Variants in DCAF12 observed in about 807,000 individuals in gnomAD.
DCAF12 encodes DDB1- and CUL4-associated factor 12.
DCAF12 carries 28 observed loss-of-function variants against 52.8 expected under a neutral mutation model. That is an observed-to-expected ratio of 0.53 (90% CI 0.39 to 0.73). The LOEUF (loss-of-function observed/expected upper bound fraction) is 0.73. Ranked by LOEUF, DCAF12 falls within the 30% of genes least tolerant of loss-of-function variation. The probability of loss-of-function intolerance (pLI) is 0.00; values close to 1 mark genes in which losing one functional copy is unlikely to be tolerated. For missense variants in DCAF12, 425 were observed against 552.2 expected (o/e 0.77, Z 2.31); for synonymous variants, 196 against 215.5 (o/e 0.91, Z 0.79).
chr9:34,117,678 G>A (rs1471791786), intron 2 of DCAF12, among the ~76,000 whole-genome samples: 1 of 152,106 alleles, frequency 6.6e-6, no homozygotes, highest in African/African-American at 2.4e-5. Context: ...ACTTTGGGAG[G>A]CCCAGGCGGG....
intron 7 of DCAF12, among the ~76,000 whole-genome samples, chr9:34,090,356 G>C (rs889688438): frequency 6.6e-6 from 1 of 151,970 alleles, no homozygotes; most frequent in Admixed American, 6.6e-5. Flanking sequence ...CACTGTGCCC[G>C]GCCACAATGC....
intron 2 of DCAF12, among the ~76,000 whole-genome samples, chr9:34,111,799 A>G (rs1431207368): frequency 1.3e-5 from 2 of 152,154 alleles, no homozygotes; most frequent in Non-Finnish European, 2.9e-5. Flanking sequence ...CCGGGTGGCC[A>G]CTTTTTACCA....
chr9:34,126,049 C>T (rs941176436), intron 1 of DCAF12, among the ~76,000 whole-genome samples: 3 of 152,196 alleles, frequency 2.0e-5, no homozygotes, highest in Non-Finnish European at 2.9e-5. Flanking sequence ...TTCCGATTCC[C>T]TTAACTTCGG....
At chr9:34,123,952 C>T (rs781037659) in intron 2 of DCAF12, among the ~76,000 whole-genome samples, 3 of 152,276 alleles carry the variant, frequency 2.0e-5, no homozygotes, top group East Asian at 3.9e-4. Flanking sequence ...GAAGAGGAAA[C>T]GAAAGGTTGG....
At chr9:34,093,717 C>T (rs949051580) in intron 6 of DCAF12, 1 of 360,592 alleles carries the variant, frequency 2.8e-6, no homozygotes, top group African/African-American at 2.1e-5. Flanking sequence ...CTGGAAAGGC[C>T]AAGGCCTTTC....
chr9:34,113,344 A>T (rs927817509), intron 2 of DCAF12, among the ~76,000 whole-genome samples: 1 of 151,982 alleles, frequency 6.6e-6, no homozygotes, highest in Non-Finnish European at 1.5e-5. Flanking sequence ...GGGCCACTGT[A>T]CGCGGCCTGA....
Position 34,089,772 on chromosome 9 carries a change from C to G in DCAF12, c.1025-182G>C, listed in dbSNP as rs572534342. On this transcript the variant is annotated intron_variant, in intron 7 of 8. Coordinates refer to ENST00000361264, the MANE Select transcript of DCAF12 (RefSeq NM_015397.4). ...AGCTCATGCAAAAGCAAAGAGAATC[C>G]TGATGCCATCCTGCCTATCCACACA... The G allele has an allele frequency of 6.8e-5, 36 of 525,554 alleles. No individual in the cohort carries two copies. In the South Asian group the frequency reaches 9.8e-4, roughly 14 times the overall value. 32.6% of individuals were successfully genotyped at this position (525,554 alleles called of 1,614,324 possible).
At chr9:34,092,992 T>C (rs372476727) in intron 7 of DCAF12, among the ~76,000 whole-genome samples, 7 of 152,342 alleles carry the variant, frequency 4.6e-5, no homozygotes, top group African/African-American at 1.7e-4. Flanking sequence ...ATTACAGGCA[T>C]GCGCCACTGC....
chr9:34,092,672 G>A (rs1465395157), intron 7 of DCAF12, among the ~76,000 whole-genome samples: 1 of 147,690 alleles, frequency 6.8e-6, no homozygotes, highest in East Asian at 2.0e-4. Context: ...GCAAAAGAGC[G>A]AGACTCTGTC....
At chr9:34,102,319 T>C (rs900900072) in intron 4 of DCAF12, among the ~76,000 whole-genome samples, 12 of 151,014 alleles carry the variant, frequency 7.9e-5, no homozygotes, top group Non-Finnish European at 1.3e-4. Flanking sequence ...TTATATAAAA[T>C]GAATGCTTAA....
intron 2 of DCAF12, among the ~76,000 whole-genome samples, chr9:34,118,755 G>A (rs888718815): frequency 6.6e-6 from 1 of 152,016 alleles, no homozygotes; most frequent in Non-Finnish European, 1.5e-5. Flanking sequence ...CCTGAGGTCA[G>A]GAGTTCAAAA....
chr9:34,113,751 T>A (rs1829042135), intron 2 of DCAF12, among the ~76,000 whole-genome samples: 1 of 152,242 alleles, frequency 6.6e-6, no homozygotes, highest in Non-Finnish European at 1.5e-5. Flanking sequence ...TACTGCAGCA[T>A]TATTCACAAT....
At chr9:34,090,045 T>C (rs1343877939) in intron 7 of DCAF12, 7 of 152,968 alleles carry the variant, frequency 4.6e-5, no homozygotes, top group Non-Finnish European at 7.3e-5. Flanking sequence ...CTAAAACCAC[T>C]ACTGTGGCAA....
chr9:34,087,632 A>G lies in DCAF12; in HGVS notation c.*718T>C, dbSNP rs12376123. 3,168 of 152,238 alleles carry G rather than the reference A, an allele frequency of 0.021. 60 individuals carry two copies. Among genetic ancestry groups the G allele is most frequent in the Non-Finnish European group, 0.032 (2,156 of 68,008 alleles). 9.4% of individuals were successfully genotyped at this position (152,238 alleles called of 1,614,324 possible). The stretch of plus-strand genomic sequence containing the variant: ...CAGGTGGGAAGACAGGTAGGGCTGG[A>G]TCACTTTGCAGTCCTGGCATGGGAG... On this transcript the variant is annotated 3_prime_UTR_variant, in exon 9 of 9. Transcript: ENST00000361264.
chr9:34,125,367 A>C, intron 1 of DCAF12, 90 bp from the exon 2 acceptor site: 50 of 1,405,552 alleles, frequency 3.6e-5, no homozygotes, highest in Non-Finnish European at 4.6e-5. Flanking sequence ...CTCATAACTC[A>C]TACTGCAGAA....
At chr9:34,095,199 C>T (rs146210554) in intron 6 of DCAF12, among the ~76,000 whole-genome samples, 1,791 of 151,476 alleles carry the variant, frequency 0.012, 38 homozygotes, top group African/African-American at 0.041. Context: ...CTCAGCCTCC[C>T]AAGTATCTGG....
chr9:34,101,432 GC>G (rs1181827805), intron 4 of DCAF12, among the ~76,000 whole-genome samples: 1 of 149,860 alleles, frequency 6.7e-6, no homozygotes, highest in African/African-American at 2.5e-5. Context: ...CACTCTTATT[GC>G]CCAGGCTAGA....
chr9:34,096,215 A>G (rs1828732471), intron 6 of DCAF12: 1 of 152,208 alleles, frequency 6.6e-6, no homozygotes, highest in Non-Finnish European at 1.5e-5. Flanking sequence ...AAACAAAACA[A>G]AACAAAAAAA....
At chr9:34,101,905 A>C (rs1828835077) in intron 4 of DCAF12, among the ~76,000 whole-genome samples, 2 of 151,434 alleles carry the variant, frequency 1.3e-5, no homozygotes, top group South Asian at 4.2e-4. Flanking sequence ...GGTCCCAGCT[A>C]CTCAGGAGGC....
Sources: allele counts gnomAD v4.1 joint callset (sites outside exome capture counted in the v4.1 genomes callset), GRCh38; gene constraint gnomAD v4.1.1; transcripts MANE v1.5; gene names NCBI Gene and HGNC (gene_info 2026-07-23, HGNC 2026-07-21).